The following DOK6 variants were observed in gnomAD, a reference collection of about 807,000 sequenced individuals.
The protein encoded by DOK6 is docking protein 6.
DOK6 carries 22 observed loss-of-function variants against 44.0 expected under a neutral mutation model. The ratio of observed to expected loss-of-function variants is 0.50; its 90% CI spans 0.36 to 0.71. The LOEUF (loss-of-function observed/expected upper bound fraction) is 0.71, where lower values mean the gene tolerates loss of function less well. DOK6 is among the 30% of genes least tolerant of loss of function. The probability of loss-of-function intolerance (pLI) is 0.00; values close to 1 mark genes in which losing one functional copy is unlikely to be tolerated. For missense variants in DOK6, 340 were observed against 416.4 expected (o/e 0.82, Z 1.60); for synonymous variants, 166 against 145.5 (o/e 1.14, Z -1.01).
intron 5 of DOK6, among the ~76,000 whole-genome samples, chr18:69,735,381 T>C (rs1233838258): frequency 1.3e-5 from 2 of 152,118 alleles, no homozygotes; most frequent in Non-Finnish European, 2.9e-5. Context: ...CTCACAAGAC[T>C]CAGAAAAACA....
At chr18:69,735,812 A>G (rs1978586957) in intron 5 of DOK6, among the ~76,000 whole-genome samples, 1 of 152,252 alleles carries the variant, frequency 6.6e-6, no homozygotes, top group Non-Finnish European at 1.5e-5. Flanking sequence ...CAAAGGCCCC[A>G]GAAATCAAAT....
intron 7 of DOK6, among the ~76,000 whole-genome samples, chr18:69,828,278 C>G (rs903570090): frequency 6.6e-6 from 1 of 151,688 alleles, no homozygotes; most frequent in African/African-American, 2.4e-5. Context: ...CATGTATTCT[C>G]CAGTCTTTAT....
intron 7 of DOK6, among the ~76,000 whole-genome samples, chr18:69,813,678 CT>C (rs1408688876): frequency 6.6e-6 from 1 of 151,862 alleles, no homozygotes; most frequent in African/African-American, 2.4e-5. Flanking sequence ...AAAGCTTTGT[CT>C]TTAAAAGGAT....
chr18:69,411,238 T>A (rs1222816427), intron 1 of DOK6, among the ~76,000 whole-genome samples: 1 of 151,966 alleles, frequency 6.6e-6, no homozygotes, highest in African/African-American at 2.4e-5. Flanking sequence ...GAGTGTGGAG[T>A]AATGAGAAAA....
chr18:69,666,692 G>A (rs1024612990), intron 3 of DOK6, among the ~76,000 whole-genome samples: 2 of 152,176 alleles, frequency 1.3e-5, no homozygotes, highest in Admixed American at 1.3e-4. Flanking sequence ...AATGGATGAT[G>A]TGAGATGAAG....
At chr18:69,425,037 A>G (rs569703867) in intron 1 of DOK6, among the ~76,000 whole-genome samples, 95 of 152,160 alleles carry the variant, frequency 6.2e-4, no homozygotes, top group Non-Finnish European at 9.4e-4. Context: ...TCAGAGTAAC[A>G]CAGTAATATT....
At position 69,454,936 on chromosome 18, in the gene DOK6, C is replaced by T. The variant is rs1360484493; in HGVS notation, c.66+53626C>T. Among the ~76,000 whole-genome samples the T allele has an allele frequency of 4.5e-5, 6 of 134,794 alleles. No individual in the cohort carries two copies. The East Asian group carries it at 1.2e-3, about 26-fold the overall frequency. 88.4% of individuals were successfully genotyped at this position (134,794 alleles called of 152,430 possible). ...GGGTGGGGGGAGGGGGGAGGGATAG[C>T]ATTGGGAGATATACCTAAGGCTAGA... On this transcript the variant is annotated intron_variant, in intron 1 of 7. Transcript: ENST00000382713.
intron 1 of DOK6, among the ~76,000 whole-genome samples, chr18:69,530,746 T>C (rs1981961707): frequency 6.6e-6 from 1 of 152,138 alleles, no homozygotes. Context: ...TTCTGTTGAT[T>C]TGGGGTGGAG....
At chr18:69,645,017 G>C (rs577423001) in intron 3 of DOK6, among the ~76,000 whole-genome samples, 226 of 152,182 alleles carry the variant, frequency 1.5e-3, no homozygotes, top group Non-Finnish European at 3.0e-3. Context: ...ATGGTAGAGA[G>C]AGCTCTTGCA....
intron 3 of DOK6, among the ~76,000 whole-genome samples, chr18:69,651,467 A>AT (rs1242460498): frequency 6.9e-6 from 1 of 145,114 alleles, no homozygotes; most frequent in Non-Finnish European, 1.5e-5. Flanking sequence ...GCATTGCATC[A>AT]TCAGCCCCCC....
intron 7 of DOK6, among the ~76,000 whole-genome samples, chr18:69,763,170 C>T (rs764324730): frequency 1.6e-4 from 25 of 152,138 alleles, no homozygotes; most frequent in Non-Finnish European, 1.0e-4. Context: ...TTCTAACAAG[C>T]ACATGTTGTA....
chr18:69,802,760 G>A (rs1293635687), intron 7 of DOK6, among the ~76,000 whole-genome samples: 1 of 152,086 alleles, frequency 6.6e-6, no homozygotes, highest in Non-Finnish European at 1.5e-5. Context: ...GCTTCCTGAG[G>A]CCTCAACAGA....
At chr18:69,612,887 T>C (rs1442280052) in intron 3 of DOK6, among the ~76,000 whole-genome samples, 1 of 151,972 alleles carries the variant, frequency 6.6e-6, no homozygotes, top group African/African-American at 2.4e-5. Flanking sequence ...TTCTTTCTTT[T>C]TTTTTGCCTT....
intron 3 of DOK6, among the ~76,000 whole-genome samples, chr18:69,636,374 G>T (rs979343040): frequency 6.6e-6 from 1 of 152,138 alleles, no homozygotes; most frequent in Non-Finnish European, 1.5e-5. Flanking sequence ...CTTGTCACAC[G>T]TCCTTAATTA....
At chr18:69,649,848 C>T (rs1555719980) in intron 3 of DOK6, among the ~76,000 whole-genome samples, 1 of 152,032 alleles carries the variant, frequency 6.6e-6, no homozygotes, top group Non-Finnish European at 1.5e-5. Context: ...TATAAGATTG[C>T]ATAATTATTG....
intron 6 of DOK6, among the ~76,000 whole-genome samples, chr18:69,740,707 T>C (rs1978771213): frequency 6.6e-6 from 1 of 152,224 alleles, no homozygotes; most frequent in African/African-American, 2.4e-5. Flanking sequence ...GGGCATGTAA[T>C]AGTTCTACTC....
intron 2 of DOK6, among the ~76,000 whole-genome samples, chr18:69,587,795 G>A (rs866094897): frequency 4.8e-5 from 2 of 42,060 alleles, no homozygotes; most frequent in African/African-American, 1.3e-4. Flanking sequence ...ACACACACAC[G>A]AGAAGTAAGT....
chr18:69,491,171 A>G (rs1269634513), intron 1 of DOK6, among the ~76,000 whole-genome samples: 1 of 152,260 alleles, frequency 6.6e-6, no homozygotes, highest in African/African-American at 2.4e-5. Context: ...AGTGTTATCT[A>G]TTAATAGTAA....
At chr18:69,461,918 C>T (rs1599142331) in intron 1 of DOK6, among the ~76,000 whole-genome samples, 1 of 152,164 alleles carries the variant, frequency 6.6e-6, no homozygotes, top group African/African-American at 2.4e-5. Context: ...TCCCACGCAG[C>T]TCAAAAGCCT....
Sources: allele counts gnomAD v4.1 joint callset (sites outside exome capture counted in the v4.1 genomes callset), GRCh38; gene constraint gnomAD v4.1.1; transcripts MANE v1.5; gene names NCBI Gene and HGNC (gene_info 2026-07-23, HGNC 2026-07-21).